CORO1A: variants seen among roughly 807,000 people sequenced by gnomAD.
CORO1A encodes the protein coronin-1A.
A neutral mutation model predicts 44.1 loss-of-function variants in CORO1A; 17 were observed. The observed-to-expected ratio is 0.39, with a 90% CI of 0.26 to 0.58. The LOEUF (loss-of-function observed/expected upper bound fraction) is 0.58. Ranked by LOEUF, CORO1A falls within the 20% of genes least tolerant of loss-of-function variation. CORO1A has a pLI of 0.62. For synonymous variants in CORO1A, 271 were observed against 244.2 expected (o/e 1.11, Z -1.02); for missense variants, 415 against 606.5 (o/e 0.68, Z 3.32).
rs187250127 is a variant in CORO1A, at chr16:30,184,419, C to T, written c.-2+694C>T. 5.5e-3 allele frequency: 842 copies of T among 153,406 alleles called. 5 individuals carry two copies. Among genetic ancestry groups the T allele is most frequent in the Non-Finnish European group, 9.6e-3 (658 of 68,808 alleles). The allele number at this position is 153,406 out of a possible 1,614,324, so 9.5% of individuals were successfully genotyped here. A position where few individuals can be genotyped will look rare whatever the true frequency, so the allele number is the denominator to read the frequency against. The stretch of plus-strand genomic sequence containing the variant: ...TCCAAGCGGCAGCACAGGCCCCTTC[C>T]CTGAGCAGGAAGGTGATGCGGTGGC... On this transcript the variant is annotated intron_variant, in intron 1 of 10. Transcript: ENST00000219150. The surrounding 1 kb of genome is among the most constrained non-coding windows in gnomAD (Gnocchi z 4.3).
Position 30,187,848 on chromosome 16 carries a change from G to A in CORO1A, c.861+19G>A, listed in dbSNP as rs376463194. 2.4e-4 allele frequency: 375 copies of A among 1,555,214 alleles called. 1 individual carries two copies. The African/African-American group carries it at 4.4e-3, about 18-fold the overall frequency. On this transcript the variant is annotated intron_variant, in intron 7 of 10. Coordinates refer to ENST00000219150, the MANE Select transcript of CORO1A (RefSeq NM_007074.4). ...TGGCAAGGTGGCCTCGTCGGGCGGG[G>A]TGGGGGTGGGAGGTGGGCAGGATGG... is the stretch of plus-strand genomic sequence containing the variant.
chr16:30,187,595 A>C (rs541262345), intron 6 of CORO1A, 94 bp downstream of exon 6: 9 of 1,530,430 alleles, frequency 5.9e-6, no homozygotes, highest in Admixed American at 5.6e-5. Flanking sequence ...CAGGATGGCC[A>C]TGGGCCTCAG....
chr16:30,185,391 T>C lies in CORO1A; in HGVS notation c.182T>C (p.Val61Ala), dbSNP rs780849330. ...CEASGGGAFL[V>A]LPLGKTGRVD... Reference sequence around the variant, plus strand: ...GCCAGCGGGGGAGGGGCCTTCCTGGTGCTGCCCCTGGGCAAGGTGAGCCCC... The same window carrying C: ...GCCAGCGGGGGAGGGGCCTTCCTGGCGCTGCCCCTGGGCAAGGTGAGCCCC... The change falls in exon 2 of 11, where the codon GTG (valine) becomes GCG (alanine). Residue 61 changes from valine to alanine, a missense_variant. By Grantham distance (64) the Val-to-Ala change is moderately conservative. Coordinates refer to ENST00000219150, the MANE Select transcript of CORO1A (RefSeq NM_007074.4). 5 of 1,613,662 alleles carry C rather than the reference T, an allele frequency of 3.1e-6. No homozygotes were observed. Among genetic ancestry groups the C allele is most frequent in the Non-Finnish European group, 1.7e-6 (2 of 1,179,970 alleles).
Position 30,186,899 on chromosome 16 carries a change from C to T in CORO1A, c.405C>T (p.Gly135=), listed in dbSNP as rs772777006. The T allele has an allele frequency of 6.2e-7, 1 of 1,612,568 alleles. No homozygotes were observed. Among genetic ancestry groups the T allele is most frequent in the South Asian group, 1.1e-5 (1 of 91,086 alleles). ...VTLEGHTKRV[G]IVAWHTTAQN... The stretch of plus-strand genomic sequence containing the variant: ...TGGAGGGCCACACCAAGCGTGTGGG[C>T]ATTGTGGCCTGGCACACCACAGCCC... The change falls in exon 4 of 11, where the codon GGC becomes GGT. Residue 135 remains glycine, a synonymous_variant. Coordinates refer to ENST00000219150, the MANE Select transcript of CORO1A (RefSeq NM_007074.4).
At position 30,187,082 on chromosome 16, in the gene CORO1A, G is replaced by A. The variant is rs374849081; in HGVS notation, c.495G>A (p.Ala165=). The A allele has an allele frequency of 4.3e-5, 70 of 1,613,958 alleles. No individual in the cohort carries two copies. Among genetic ancestry groups the A allele is most frequent in the Middle Eastern group, 1.6e-4 (1 of 6,084 alleles). Reference sequence around the variant, plus strand: ...TGGTGTGGGACGTGGGCACTGGGGCGGCCATGCTGACACTGGGCCCAGAGG... The same window carrying A: ...TGGTGTGGGACGTGGGCACTGGGGCAGCCATGCTGACACTGGGCCCAGAGG... ...VIMVWDVGTG[A]AMLTLGPEVH... Residue 165 remains alanine, a synonymous_variant, in exon 5 of 11, where the codon GCG becomes GCA. Coordinates refer to ENST00000219150, the MANE Select transcript of CORO1A (RefSeq NM_007074.4).
rs775671937 is a variant in CORO1A, at chr16:30,188,436, G to A, written c.1141G>A (p.Gly381Arg). 7.4e-6 allele frequency: 12 copies of A among 1,613,432 alleles called. No individual in the cohort carries two copies. Among genetic ancestry groups the A allele is most frequent in the Non-Finnish European group, 9.3e-6 (11 of 1,179,990 alleles). Residue 381 changes from glycine (G) to arginine (R), a missense_variant, in exon 10 of 11, where the codon GGG becomes AGG. This residue lies in a region of CORO1A where 90 missense variants were observed against 84.7 expected (regional missense o/e 1.06). Coordinates refer to ENST00000219150, the MANE Select transcript of CORO1A (RefSeq NM_007074.4). ...TGCCCTCACGGCTGAGGAGTGGCTG[G>A]GGGGTCGGGATGCTGGGCCCCTCCT... ...DPALTAEEWL[G>R]GRDAGPLLIS...
chr16:30,187,001 G>A, intron 4 of CORO1A, 38 bp from the exon 5 acceptor site: 1 of 1,613,506 alleles, frequency 6.2e-7, no homozygotes, highest in Non-Finnish European at 8.5e-7. Context: ...GATGAGGGCA[G>A]GAGGCTCATG....
At chr16:30,187,257 C>A (rs770260805) in intron 5 of CORO1A, 34 bp downstream of exon 5, 2 of 1,607,124 alleles carry the variant, frequency 1.2e-6, no homozygotes, top group East Asian at 2.2e-5. Flanking sequence ...TTTGACCCTA[C>A]AGCCTTTATC....
chr16:30,188,661 G>A, intron 10 of CORO1A, 85 bp downstream of exon 10: 1 of 1,064,776 alleles, frequency 9.4e-7, no homozygotes. Flanking sequence ...ACAACATTGG[G>A]AATCTTTGTG....
At chr16:30,186,295 C>G (rs1251253846) in intron 2 of CORO1A, 1 of 422,154 alleles carries the variant, frequency 2.4e-6, no homozygotes. Context: ...CTCGGGGAAG[C>G]TGGGGTGGGG....
At chr16:30,186,990 G>A in intron 4 of CORO1A, 45 bp downstream of exon 4, 1 of 1,613,194 alleles carries the variant, frequency 6.2e-7, no homozygotes, top group Non-Finnish European at 8.5e-7. Context: ...GGCCTGCAGT[G>A]GATGAGGGCA....
Position 30,187,050 on chromosome 16 carries a change from G to A in CORO1A, c.463G>A (p.Val155Met), listed in dbSNP as rs765244440. The A allele has an allele frequency of 1.2e-5, 20 of 1,613,944 alleles. No individual in the cohort carries two copies. Among genetic ancestry groups the A allele is most frequent in the East Asian group, 2.2e-5 (1 of 44,900 alleles). ...TGGGGAACGTGCAGGTTGTGACAAC[G>A]TGATCATGGTGTGGGACGTGGGCAC... ...NVLLSAGCDN[V>M]IMVWDVGTGA... The change falls in exon 5 of 11, where the codon GTG (valine) becomes ATG (methionine). Residue 155 changes from valine to methionine, a missense_variant. Physicochemically the swap from Val to Met is conservative, Grantham distance 21. Transcript: ENST00000219150.
rs1435378677 is a variant in CORO1A, at chr16:30,186,902, T to C, written c.408T>C (p.Ile136=). The change falls in exon 4 of 11, where the codon ATT becomes ATC. Residue 136 remains isoleucine (I), a synonymous_variant. Transcript: ENST00000219150. The part of the protein sequence containing the change: ...TLEGHTKRVG[I]VAWHTTAQNV... ...AGGGCCACACCAAGCGTGTGGGCAT[T>C]GTGGCCTGGCACACCACAGCCCAGA... 3.7e-6 allele frequency: 6 copies of C among 1,612,548 alleles called. No individual in the cohort carries two copies. The South Asian group carries it at 5.5e-5, about 15-fold the overall frequency.
chr16:30,185,472 G>C, intron 2 of CORO1A, 65 bp downstream of exon 2: 3 of 1,470,152 alleles, frequency 2.0e-6, no homozygotes, highest in Non-Finnish European at 2.8e-6. Context: ...TGCAGGTCCT[G>C]ATTAGGTGAC....
Position 30,187,437 on chromosome 16 carries a change from A to C in CORO1A, c.692A>C (p.Glu231Ala). 6.2e-7 allele frequency: 1 copy of C among 1,610,584 alleles called. No individual in the cohort carries two copies. Among genetic ancestry groups the C allele is most frequent in the Non-Finnish European group, 8.5e-7 (1 of 1,179,952 alleles). Residue 231 changes from glutamate (E) to alanine (A), a missense_variant, in exon 6 of 11, where the codon GAG becomes GCG. Glu to Ala is a moderately radical substitution (Grantham distance 107, BLOSUM62 -1). Coordinates refer to ENST00000219150, the MANE Select transcript of CORO1A (RefSeq NM_007074.4). ...TRPVRAVFVS[E>A]GKILTTGFSR... ...CCCGTGCGTGCAGTGTTCGTGTCGG[A>C]GGGGAAGATCCTGACCACGGGCTTC...
Position 30,188,437 on chromosome 16 carries a change from G to C in CORO1A, c.1142G>C (p.Gly381Ala), listed in dbSNP as rs1234176581. The part of the protein sequence containing the change: ...DPALTAEEWL[G>A]GRDAGPLLIS... The stretch of plus-strand genomic sequence containing the variant: ...GCCCTCACGGCTGAGGAGTGGCTGG[G>C]GGGTCGGGATGCTGGGCCCCTCCTC... Residue 381 changes from glycine to alanine, a missense_variant, in exon 10 of 11, where the codon GGG (glycine) becomes GCG (alanine). By Grantham distance (60) the Gly-to-Ala change is moderately conservative. Around this residue, in one of 2 missense-constraint regions of CORO1A, gnomAD observed 90 missense variants for 84.7 expected, o/e 1.06. Coordinates refer to ENST00000219150, the MANE Select transcript of CORO1A (RefSeq NM_007074.4). 4 of 1,613,440 alleles carry C rather than the reference G, an allele frequency of 2.5e-6. No homozygotes were observed. In the South Asian group the frequency reaches 4.4e-5, roughly 18 times the overall value.
rs1393087989 is a variant in CORO1A, at chr16:30,187,212, A to G, written c.625A>G (p.Thr209Ala). Residue 209 changes from threonine to alanine, a missense_variant, in exon 5 of 11, where the codon ACT (threonine) becomes GCT (alanine). Physicochemically the swap from Thr to Ala is moderately conservative, Grantham distance 58. This residue lies in a region of CORO1A where 325 missense variants were observed against 521.7 expected (regional missense o/e 0.62). Transcript: ENST00000219150. ...GCGCATCATCGAGCCCCGCAAAGGC[A>G]CTGTCGTAGCTGTGAGTCGCCATCT... ...RVRIIEPRKG[T>A]VVAEKDRPHE... The G allele has an allele frequency of 5.0e-6, 8 of 1,612,504 alleles. No homozygotes were observed. Among genetic ancestry groups the G allele is most frequent in the Non-Finnish European group, 5.9e-6 (7 of 1,180,012 alleles).
intron 9 of CORO1A, 43 bp downstream of exon 9, chr16:30,188,292 G>C (rs767205627): frequency 1.2e-6 from 2 of 1,612,960 alleles, no homozygotes; most frequent in Non-Finnish European, 1.7e-6. Context: ...GCTGGGCACT[G>C]ACTTTGCGGT....
chr16:30,187,861 G>GGGGGGGGGC, intron 7 of CORO1A, 32 bp downstream of exon 7: 2 of 1,563,570 alleles, frequency 1.3e-6, no homozygotes, highest in Non-Finnish European at 1.8e-6. Context: ...GGGGTGGGAG[G>GGGGGGGGGC]TGGGCAGGAT....
Sources: allele counts gnomAD v4.1 joint callset, GRCh38; gene constraint gnomAD v4.1.1; regional missense constraint gnomAD v4.1.1; non-coding constraint Gnocchi (gnomAD v3.1); transcripts MANE v1.5; gene names NCBI Gene and HGNC (gene_info 2026-07-23, HGNC 2026-07-21).